The following STK33 variants were observed in gnomAD, a reference collection of about 807,000 sequenced individuals.
STK33 encodes serine/threonine-protein kinase 33.
STK33 carries 52 observed loss-of-function variants against 58.0 expected under a neutral mutation model. The ratio of observed to expected loss-of-function variants is 0.90; its 90% CI spans 0.72 to 1.13. The LOEUF (loss-of-function observed/expected upper bound fraction) is 1.13. Among genes scored for constraint, STK33 ranks in the 50% most tolerant of loss-of-function variants. The pLI is 0.00. For missense variants in STK33, 630 were observed against 604.2 expected, an observed-to-expected ratio of 1.04 and a Z score of -0.45; for synonymous variants, 215 against 200.1, an observed-to-expected ratio of 1.07 and a Z score of -0.63.
rs748842782 is a variant in STK33, at chr11:8,457,324, G to A, written c.697+17C>T. ...TAGTATTCATGGGGTCAATGAGCTG[G>A]ATAACCCTCTTCTTACCATTATTGT... On this transcript the variant is annotated intron_variant, in intron 9 of 15. Coordinates refer to ENST00000687296, the MANE Select transcript of STK33 (RefSeq NM_001352389.2). 1.3e-6 allele frequency: 2 copies of A among 1,534,366 alleles called. No homozygotes were observed. Among genetic ancestry groups the A allele is most frequent in the Non-Finnish European group, 1.8e-6 (2 of 1,125,974 alleles).
At chr11:8,364,931 C>T in the STK33 span, among the ~76,000 whole-genome samples, 1,092 of 149,688 alleles carry the variant, frequency 7.3e-3, 16 homozygotes, top group African/African-American at 0.026. Context: ...TTCATGTGAC[C>T]CCCCCCGCCC....
At chr11:8,499,690 A>G (rs1951357514) in intron 1 of STK33, among the ~76,000 whole-genome samples, 2 of 152,184 alleles carry the variant, frequency 1.3e-5, no homozygotes, top group African/African-American at 4.8e-5. Context: ...ATCAATGACA[A>G]ACTGGATAAA....
the STK33 span, among the ~76,000 whole-genome samples, chr11:8,344,198 A>AACACACACACACAT: frequency 7.3e-6 from 1 of 137,118 alleles, no homozygotes; most frequent in African/African-American, 2.8e-5. Context: ...AAACAAACAA[A>AACACACACACACAT]ACACACACAC....
chr11:8,544,118 G>C (rs762636942), intron 1 of STK33, among the ~76,000 whole-genome samples: 2 of 151,570 alleles, frequency 1.3e-5, no homozygotes, highest in African/African-American at 2.4e-5. Context: ...CCATCAACCC[G>C]TCAACTACAT....
rs1383862730 is a variant in STK33, at chr11:8,457,227, C to A, written c.697+114G>T. 14 of 919,052 alleles carry A rather than the reference C, an allele frequency of 1.5e-5. No individual in the cohort carries two copies. The East Asian group carries it at 3.3e-4, about 22-fold the overall frequency. The allele number at this position is 919,052 out of a possible 1,614,324, so 56.9% of individuals were successfully genotyped here. The stretch of plus-strand genomic sequence containing the variant: ...AAACATTTTTAACTAAAAATTAAAT[C>A]TTCTATATTAGCAGGTGTTATTTAT... On this transcript the variant is annotated intron_variant, in intron 9 of 15. Coordinates refer to ENST00000687296, the MANE Select transcript of STK33 (RefSeq NM_001352389.2).
At chr11:8,502,921 A>G (rs1416888094) in intron 1 of STK33, among the ~76,000 whole-genome samples, 1 of 152,234 alleles carries the variant, frequency 6.6e-6, no homozygotes, top group Non-Finnish European at 1.5e-5. Context: ...CAAAACCACA[A>G]TGAGATACCA....
intron 1 of STK33, among the ~76,000 whole-genome samples, chr11:8,579,498 T>C (rs75044911): frequency 0.079 from 12,079 of 152,068 alleles, 506 homozygotes; most frequent in African/African-American, 0.1. Flanking sequence ...TATTTTTATC[T>C]CTCTTGTAGA....
chr11:8,383,244 C>A, the STK33 span, among the ~76,000 whole-genome samples: 1 of 152,168 alleles, frequency 6.6e-6, no homozygotes, highest in Non-Finnish European at 1.5e-5. Flanking sequence ...CTGAAGAAGG[C>A]ACACAGGGCT....
At chr11:8,562,288 A>C (rs979694530) in intron 1 of STK33, among the ~76,000 whole-genome samples, 2 of 151,840 alleles carry the variant, frequency 1.3e-5, no homozygotes, top group Admixed American at 6.6e-5. Context: ...CTTCCTCTCC[A>C]CTTCACTGCA....
chr11:8,360,749 G>A, the STK33 span, among the ~76,000 whole-genome samples: 6 of 152,218 alleles, frequency 3.9e-5, no homozygotes, highest in South Asian at 6.2e-4. Context: ...TCTGGAGGCC[G>A]CCTGCATTCC....
At chr11:8,538,462 AGTAATGTATTACT>A (rs1432379463) in intron 1 of STK33, among the ~76,000 whole-genome samples, 1 of 152,200 alleles carries the variant, frequency 6.6e-6, no homozygotes, top group Non-Finnish European at 1.5e-5. Flanking sequence ...TCATGCCCCC[AGTAATGTATTACT>A]GTAGCTTTAT....
chr11:8,361,007 A>C, the STK33 span, among the ~76,000 whole-genome samples: 1 of 152,188 alleles, frequency 6.6e-6, no homozygotes, highest in Non-Finnish European at 1.5e-5. The surrounding 1 kb of genome is among the most constrained non-coding windows in gnomAD (Gnocchi z 4.8). Context: ...AAAAATAGGG[A>C]TCAGGAATCT....
chr11:8,356,984 A>G, the STK33 span, among the ~76,000 whole-genome samples: 1 of 152,162 alleles, frequency 6.6e-6, no homozygotes, highest in Non-Finnish European at 1.5e-5. Flanking sequence ...ACACAGCTGG[A>G]CTGCATTAAA....
At chr11:8,462,005 G>A in intron 7 of STK33, 96 bp from the exon 8 acceptor site, 1 of 860,308 alleles carries the variant, frequency 1.2e-6, no homozygotes, top group Middle Eastern at 3.4e-4. Flanking sequence ...TTTTTTTCCT[G>A]TAACTTCATA....
chr11:8,424,051 A>G (rs1208717690), intron 14 of STK33, among the ~76,000 whole-genome samples: 1 of 151,810 alleles, frequency 6.6e-6, no homozygotes, highest in East Asian at 1.9e-4. Context: ...GGTTTGTTAC[A>G]TATGTATACA....
intron 1 of STK33, among the ~76,000 whole-genome samples, chr11:8,515,873 A>AT (rs374390544): frequency 3.9e-5 from 6 of 152,338 alleles, no homozygotes; most frequent in African/African-American, 1.2e-4. Context: ...TGAAAAGCCC[A>AT]TAGTTAACAT....
chr11:8,409,320 C>A (rs1181556856), intron 15 of STK33, among the ~76,000 whole-genome samples: 3 of 152,214 alleles, frequency 2.0e-5, no homozygotes, highest in Non-Finnish European at 4.4e-5. Flanking sequence ...TTTCTGCAGG[C>A]ATGCTCTTCT....
intron 15 of STK33, among the ~76,000 whole-genome samples, chr11:8,395,780 T>C (rs1050586820): frequency 3.9e-5 from 6 of 152,224 alleles, no homozygotes; most frequent in Admixed American, 3.9e-4. Context: ...ATTTTGCACG[T>C]TCGTAAGTTT....
chr11:8,544,403 T>C (rs1045023671), intron 1 of STK33, among the ~76,000 whole-genome samples: 1 of 149,500 alleles, frequency 6.7e-6, no homozygotes, highest in Non-Finnish European at 1.5e-5. Flanking sequence ...TTAACTGTCA[T>C]GTAGCTACAG....
Sources: gnomAD v4.1 joint callset for allele counts (sites outside exome capture counted in the v4.1 genomes callset) on GRCh38, gnomAD v4.1.1 for gene constraint, Gnocchi (gnomAD v3.1) non-coding constraint, MANE v1.5 for transcripts, NCBI Gene and HGNC (gene_info 2026-07-23, HGNC 2026-07-21) for gene names.